GNA14: variants seen among roughly 807,000 people sequenced by gnomAD.
GNA14 encodes the protein G protein subunit alpha 14, also known as guanine nucleotide-binding protein subunit alpha-14.
GNA14 carries 50 observed loss-of-function variants against 42.0 expected under a neutral mutation model. That is an observed-to-expected ratio of 1.19 (90% CI 0.95 to 1.51). The LOEUF is 1.51. Among genes scored for constraint, GNA14 ranks in the 40% most tolerant of loss-of-function variants. The pLI is 0.00. For synonymous variants in GNA14, 173 were observed against 163.1 expected, an observed-to-expected ratio of 1.06 and a Z score of -0.46; for missense variants, 473 against 446.2, an observed-to-expected ratio of 1.06 and a Z score of -0.54.
intron 2 of GNA14, among the ~76,000 whole-genome samples, chr9:77,454,478 C>T (rs1835965740): frequency 6.6e-6 from 1 of 152,070 alleles, no homozygotes; most frequent in South Asian, 2.1e-4. Context: ...TCAGACTTTG[C>T]TGAGCTGTTG....
At chr9:77,609,314 C>T (rs922279877) in intron 1 of GNA14, among the ~76,000 whole-genome samples, 6 of 152,260 alleles carry the variant, frequency 3.9e-5, no homozygotes, top group Admixed American at 6.5e-5. Flanking sequence ...TCACCAGAAC[C>T]GCTTTTAATG....
intron 2 of GNA14, among the ~76,000 whole-genome samples, chr9:77,509,110 T>TC (rs1837119596): frequency 6.6e-6 from 1 of 152,104 alleles, no homozygotes; most frequent in African/African-American, 2.4e-5. Flanking sequence ...CATTGGCCCC[T>TC]CCCCACGCTC....
intron 2 of GNA14, among the ~76,000 whole-genome samples, chr9:77,526,850 G>C (rs963859802): frequency 6.6e-6 from 1 of 152,140 alleles, no homozygotes; most frequent in African/African-American, 2.4e-5. Flanking sequence ...AAATAATTAA[G>C]GTCAAGAGAA....
At chr9:77,612,601 A>G (rs1823751502) in intron 1 of GNA14, among the ~76,000 whole-genome samples, 1 of 152,188 alleles carries the variant, frequency 6.6e-6, no homozygotes, top group South Asian at 2.1e-4. Context: ...ACTAATCATC[A>G]AAAGAATGCA....
At chr9:77,435,908 C>T (rs1835633097) in intron 2 of GNA14, among the ~76,000 whole-genome samples, 2 of 152,180 alleles carry the variant, frequency 1.3e-5, no homozygotes, top group Non-Finnish European at 1.5e-5. Context: ...CATATTTCTG[C>T]ATCCCACAGC....
At chr9:77,612,141 T>A (rs1204769111) in intron 1 of GNA14, among the ~76,000 whole-genome samples, 1 of 152,084 alleles carries the variant, frequency 6.6e-6, no homozygotes, top group Non-Finnish European at 1.5e-5. Context: ...ATAAATGTAG[T>A]CCCAAAGAAA....
intron 1 of GNA14, among the ~76,000 whole-genome samples, chr9:77,532,077 A>G (rs1381404829): frequency 6.6e-6 from 1 of 152,078 alleles, no homozygotes; most frequent in Non-Finnish European, 1.5e-5. Flanking sequence ...CCTTGCGGAG[A>G]TCCTCCACTC....
rs1824201247 is a variant in GNA14, at chr9:77,637,500, A to T, written c.124+10170T>A. On this transcript the variant is annotated intron_variant, in intron 1 of 6. Coordinates refer to ENST00000341700, the MANE Select transcript of GNA14 (RefSeq NM_004297.4). ...CATATGGAAGGAATTTCTATATCTT[A>T]TCAGCAACCCTATAATTTTCTTAAA... Among the ~76,000 whole-genome samples, 3 of 152,242 alleles carry T rather than the reference A, an allele frequency of 2.0e-5. No homozygotes were observed. In the South Asian group the frequency reaches 6.2e-4, roughly 32 times the overall value.
intron 5 of GNA14, 44 bp from the exon 6 acceptor site, chr9:77,425,759 AT>A (rs776978720): frequency 6.8e-7 from 1 of 1,469,012 alleles, no homozygotes; most frequent in Non-Finnish European, 9.3e-7. Flanking sequence ...GAAAGGAAAT[AT>A]TTTGGAAACA....
chr9:77,631,461 T>C (rs1404859363), intron 1 of GNA14, among the ~76,000 whole-genome samples: 2 of 107,852 alleles, frequency 1.9e-5, no homozygotes, highest in African/African-American at 8.1e-5. Context: ...TATGCCACTT[T>C]TTATGTAAAA....
chr9:77,513,599 A>G (rs529056173), intron 2 of GNA14, among the ~76,000 whole-genome samples: 14 of 152,344 alleles, frequency 9.2e-5, no homozygotes. Context: ...GACACACTCA[A>G]TAATTCCGTG....
intron 2 of GNA14, among the ~76,000 whole-genome samples, chr9:77,463,271 C>T (rs748451060): frequency 2.0e-5 from 3 of 152,110 alleles, no homozygotes; most frequent in Non-Finnish European, 4.4e-5. Context: ...CAATCAGATG[C>T]GGCAACAGTG....
chr9:77,616,486 T>A (rs1823819532), intron 1 of GNA14, among the ~76,000 whole-genome samples: 1 of 152,194 alleles, frequency 6.6e-6, no homozygotes, highest in South Asian at 2.1e-4. Context: ...GAAGCAAGGC[T>A]CTGATGGCTA....
At chr9:77,603,243 T>TA (rs1823595621) in intron 1 of GNA14, among the ~76,000 whole-genome samples, 1 of 152,180 alleles carries the variant, frequency 6.6e-6, no homozygotes, top group Admixed American at 6.5e-5. Context: ...TTGTGATAGC[T>TA]TTTGTGTGTG....
At chr9:77,630,184 C>T (rs28464846) in intron 1 of GNA14, among the ~76,000 whole-genome samples, 6,598 of 149,286 alleles carry the variant, frequency 0.044, 496 homozygotes, top group African/African-American at 0.15. Flanking sequence ...AGCAATATGT[C>T]GAGGCTCATT....
At chr9:77,450,235 A>G (rs961459359) in intron 2 of GNA14, among the ~76,000 whole-genome samples, 2 of 152,104 alleles carry the variant, frequency 1.3e-5, no homozygotes, top group South Asian at 2.1e-4. Context: ...CCAAAGCAAG[A>G]TGAGGGGGCT....
chr9:77,646,256 G>A (rs1824350013), intron 1 of GNA14, among the ~76,000 whole-genome samples: 1 of 152,204 alleles, frequency 6.6e-6, no homozygotes, highest in Admixed American at 6.5e-5. Flanking sequence ...CTGCCCCTTT[G>A]TGAGCTCTCC....
intron 2 of GNA14, among the ~76,000 whole-genome samples, chr9:77,453,719 T>G (rs1011878707): frequency 1.3e-5 from 2 of 152,224 alleles, no homozygotes; most frequent in Non-Finnish European, 2.9e-5. Context: ...TTTATGGAAC[T>G]GAGCAAACCT....
chr9:77,452,128 G>A (rs116092525), intron 2 of GNA14, among the ~76,000 whole-genome samples: 2,828 of 152,202 alleles, frequency 0.019, 30 homozygotes, highest in Middle Eastern at 0.034. Flanking sequence ...CCAGAACCCC[G>A]TAGAAATACA....
Sources: gnomAD v4.1 joint callset for allele counts (sites outside exome capture counted in the v4.1 genomes callset) on GRCh38, gnomAD v4.1.1 for gene constraint, MANE v1.5 for transcripts, NCBI Gene and HGNC (gene_info 2026-07-23, HGNC 2026-07-21) for gene names.